The following CNOT1 variants were observed in gnomAD, a reference collection of about 807,000 sequenced individuals.
CNOT1 encodes the protein CCR4-NOT transcription complex subunit 1, also known as CCR4-associated factor 1.
A neutral mutation model predicts 273.8 loss-of-function variants in CNOT1; 15 were observed. The observed-to-expected ratio is 0.05, with a 90% CI of 0.04 to 0.08. The LOEUF is 0.08. CNOT1 is among the 10% of genes least tolerant of loss of function. The pLI, the probability that CNOT1 is intolerant of heterozygous loss-of-function variation, is 1.00. For missense variants in CNOT1, 1,644 were observed against 2,912.2 expected, an observed-to-expected ratio of 0.56 and a Z score of 10.02; for synonymous variants, 1,022 against 1,005.5, an observed-to-expected ratio of 1.02 and a Z score of -0.31.
At chr16:58,576,701 A>G (rs2151968024) in intron 13 of CNOT1, 119 bp from the exon 14 acceptor site, 3 of 1,458,540 alleles carry the variant, frequency 2.1e-6, no homozygotes, top group Non-Finnish European at 2.8e-6. Flanking sequence ...CTGTGCTGAC[A>G]TTAAGTTCAG....
intron 34 of CNOT1, 116 bp downstream of exon 34, chr16:58,541,384 AG>A: frequency 2.8e-6 from 4 of 1,445,514 alleles, no homozygotes; most frequent in Non-Finnish European, 3.7e-6. Flanking sequence ...CAAAAACTAT[AG>A]GTGTTTTTTC....
At chr16:58,542,395 G>A (rs1462854552) in intron 32 of CNOT1, 33 bp downstream of exon 32, 1 of 1,612,640 alleles carries the variant, frequency 6.2e-7, no homozygotes, top group African/African-American at 1.3e-5. Flanking sequence ...AATTAAAAAA[G>A]AAAATCTTAA....
chr16:58,545,638 C>T (rs776983096), intron 29 of CNOT1, 147 bp from the exon 30 acceptor site: 187 of 1,415,800 alleles, frequency 1.3e-4, no homozygotes, highest in Non-Finnish European at 1.6e-4. Context: ...CTATTTTTCC[C>T]ACCCTGAAAG....
rs1440789215 is a variant in CNOT1, at chr16:58,599,311, G to A, written c.27C>T (p.Ala9=). The change falls in exon 2 of 49, where the codon GCC becomes GCT. Residue 9 remains alanine, a synonymous_variant. Coordinates refer to ENST00000317147, the MANE Select transcript of CNOT1 (RefSeq NM_016284.5). ...CCACCAGGTAGCTGATTTGAGACAA[G>A]GCCAGCGAGAGCGAGTCAAGATTCA... MNLDSLSL[A]LSQISYLVDN... The A allele has an allele frequency of 6.2e-7, 1 of 1,614,194 alleles. No individual in the cohort carries two copies. Among genetic ancestry groups the A allele is most frequent in the Admixed American group, 1.7e-5 (1 of 60,004 alleles).
Position 58,551,205 on chromosome 16 carries a change from T to C in CNOT1, c.3269A>G (p.Glu1090Gly), listed in dbSNP as rs769174409. 8 of 1,610,312 alleles carry C rather than the reference T, an allele frequency of 5.0e-6. No homozygotes were observed. Among genetic ancestry groups the C allele is most frequent in the Non-Finnish European group, 4.2e-6 (5 of 1,179,064 alleles). The stretch of plus-strand genomic sequence containing the variant: ...TTTCTCCTGGATATTTTCTGGGGGC[T>C]CCACAATTCTCTCAGTTTGATCTGT... ...VATDQTERIV[E>G]PPENIQEKIA... The change falls in exon 24 of 49, where the codon GAG becomes GGG. Residue 1090 changes from glutamate (E) to glycine (G), a missense_variant. Physicochemically the swap from Glu to Gly is moderately conservative, Grantham distance 98. Transcript: ENST00000317147.
chr16:58,604,960 C>T (rs2042619612), intron 1 of CNOT1, among the ~76,000 whole-genome samples: 1 of 150,610 alleles, frequency 6.6e-6, no homozygotes, highest in African/African-American at 2.4e-5. Context: ...CACGGTGAAA[C>T]CCCATCTCTA....
intron 2 of CNOT1, among the ~76,000 whole-genome samples, chr16:58,594,249 C>CA (rs1202979501): frequency 4.0e-5 from 6 of 151,140 alleles, no homozygotes; most frequent in African/African-American, 7.3e-5. Flanking sequence ...CATCTCAAAA[C>CA]AAAAAAACAA....
intron 16 of CNOT1, among the ~76,000 whole-genome samples, chr16:58,572,246 T>C (rs2041298636): frequency 6.6e-6 from 1 of 151,496 alleles, no homozygotes; most frequent in South Asian, 2.1e-4. Flanking sequence ...ATCATGCCAC[T>C]GCACTCTAGC....
chr16:58,612,317 A>T (rs751313083), intron 1 of CNOT1, among the ~76,000 whole-genome samples: 8 of 152,242 alleles, frequency 5.3e-5, no homozygotes, highest in Non-Finnish European at 7.3e-5. Context: ...TACTAAATAC[A>T]GAATACTTAC....
At chr16:58,531,705 T>TA (rs35595725) in intron 42 of CNOT1, among the ~76,000 whole-genome samples, 43,506 of 150,956 alleles carry the variant, frequency 0.29, 7,173 homozygotes, top group East Asian at 0.64. Flanking sequence ...GAAAAAACAA[T>TA]AAAAAAAAAC....
chr16:58,622,364 T>G (rs1392412048), intron 1 of CNOT1, among the ~76,000 whole-genome samples: 44 of 71,264 alleles, frequency 6.2e-4, no homozygotes, highest in Admixed American at 1.1e-3. Context: ...GCGTGGACAA[T>G]GGGCAAGGCA....
chr16:58,566,629 T>C (rs1474672177), intron 16 of CNOT1, among the ~76,000 whole-genome samples: 1 of 152,194 alleles, frequency 6.6e-6, no homozygotes, highest in African/African-American at 2.4e-5. Flanking sequence ...TACAAGGCAG[T>C]CTTGTGCACT....
chr16:58,618,333 C>G (rs2043169749), intron 1 of CNOT1, among the ~76,000 whole-genome samples: 1 of 152,030 alleles, frequency 6.6e-6, no homozygotes, highest in Non-Finnish European at 1.5e-5. Flanking sequence ...CCTGTAATCC[C>G]AGTACTTTGG....
chr16:58,537,912 G>A lies in CNOT1; in HGVS notation c.5393C>T (p.Ser1798Phe). Residue 1798 changes from serine to phenylalanine, a missense_variant, in exon 38 of 49, where the codon TCC becomes TTC. Physicochemically the swap from Ser to Phe is radical, Grantham distance 155. Around this residue, in one of 13 missense-constraint regions of CNOT1, gnomAD observed 133 missense variants for 328.2 expected, o/e 0.41. Transcript: ENST00000317147. ...TCACCCTTCTGGAGCATTGCCTCTG[G>A]AATGAGCATTAATCCTCATGAGGGT... ...IETLMRINAH[S>F]RGNAPEGLPQ... 1 of 1,614,176 alleles carries A rather than the reference G, an allele frequency of 6.2e-7. No individual in the cohort carries two copies. Among genetic ancestry groups the A allele is most frequent in the Non-Finnish European group, 8.5e-7 (1 of 1,180,036 alleles).
intron 1 of CNOT1, among the ~76,000 whole-genome samples, chr16:58,606,077 A>G (rs769192664): frequency 1.3e-5 from 2 of 152,156 alleles, no homozygotes; most frequent in African/African-American, 2.4e-5. Flanking sequence ...CTGAACAATG[A>G]TATCAAAAAA....
rs940405838 is a variant in CNOT1, at chr16:58,520,808, G to A, written c.*150C>T. The A allele has an allele frequency of 9.7e-5, 74 of 765,624 alleles. 1 individual carries two copies. In the African/African-American group the frequency reaches 1.1e-3, roughly 12 times the overall value. The allele number at this position is 765,624 out of a possible 1,614,324, so 47.4% of individuals were successfully genotyped here. Reference sequence around the variant, plus strand: ...CTTTGGAACGTGCCCACATAAGACAGGAGGCTGATCCCAACAGTAGTTGGG... The same window carrying A: ...CTTTGGAACGTGCCCACATAAGACAAGAGGCTGATCCCAACAGTAGTTGGG... On this transcript the variant is annotated 3_prime_UTR_variant, in exon 49 of 49. Transcript: ENST00000317147.
At chr16:58,588,749 C>T (rs377086973) in intron 3 of CNOT1, 50 bp downstream of exon 3, 130 of 1,588,446 alleles carry the variant, frequency 8.2e-5, no homozygotes, top group Non-Finnish European at 1.0e-4. Flanking sequence ...GCCCAAAATT[C>T]ATTTAACAAT....
intron 22 of CNOT1, among the ~76,000 whole-genome samples, chr16:58,552,513 G>A: frequency 6.6e-6 from 1 of 152,012 alleles, no homozygotes; most frequent in South Asian, 2.1e-4. Flanking sequence ...TCACTCCCCT[G>A]CCATCTCACT....
intron 16 of CNOT1, among the ~76,000 whole-genome samples, chr16:58,563,401 T>C (rs757293563): frequency 5.9e-5 from 9 of 152,178 alleles, no homozygotes; most frequent in Non-Finnish European, 1.3e-4. Flanking sequence ...GTATACTCTA[T>C]AATGCTCACA....
Sources: gnomAD v4.1 joint callset for allele counts (sites outside exome capture counted in the v4.1 genomes callset) on GRCh38, gnomAD v4.1.1 for gene constraint, gnomAD v4.1.1 regional missense constraint, MANE v1.5 for transcripts, NCBI Gene and HGNC (gene_info 2026-07-23, HGNC 2026-07-21) for gene names.